Variants in GSE1 observed in about 807,000 individuals in gnomAD.
The protein encoded by GSE1 is genetic suppressor element 1.
Under a neutral mutation model 112.6 loss-of-function variants are expected in GSE1, and 32 were observed. The ratio of observed to expected loss-of-function variants is 0.28; its 90% CI spans 0.21 to 0.38. GSE1 has a LOEUF of 0.38. GSE1 is among the 10% of genes least tolerant of loss of function. GSE1 has a pLI of 1.00. For synonymous variants in GSE1, 1,115 were observed against 735.6 expected, an observed-to-expected ratio of 1.52 and a Z score of -8.35; for missense variants, 2,348 against 1,699.2, an observed-to-expected ratio of 1.38 and a Z score of -6.71.
At chr16:85,317,176 G>T (rs1288537333) in intron 1 of GSE1, among the ~76,000 whole-genome samples, 1 of 152,238 alleles carries the variant, frequency 6.6e-6, no homozygotes, top group East Asian at 1.9e-4. Flanking sequence ...ACAAGACGGG[G>T]CCTTTGTCTG....
upstream of GSE1, chr16:85,555,440 C>T (rs905884376): frequency 3.8e-5 from 37 of 982,944 alleles, no homozygotes; most frequent in African/African-American, 6.5e-4. Flanking sequence ...GGAGCCGGCT[C>T]CCCAGCCTGC....
At chr16:85,506,650 T>C (rs2051544031) in intron 2 of GSE1, among the ~76,000 whole-genome samples, 1 of 151,902 alleles carries the variant, frequency 6.6e-6, no homozygotes, top group African/African-American at 2.4e-5. Flanking sequence ...AGAGGGGGTG[T>C]GATTTCAATG....
intron 1 of GSE1, among the ~76,000 whole-genome samples, chr16:85,561,324 A>T (rs560779349): frequency 6.6e-6 from 1 of 152,226 alleles, no homozygotes; most frequent in Admixed American, 6.5e-5. Flanking sequence ...CAGGGCGCCG[A>T]TCCTGGGCAG....
At chr16:85,488,238 TC>T (rs1254992308) in intron 2 of GSE1, among the ~76,000 whole-genome samples, 1 of 152,254 alleles carries the variant, frequency 6.6e-6, no homozygotes, top group South Asian at 2.1e-4. Flanking sequence ...CTCTTCAGTT[TC>T]CCCATCTAGC....
intron 1 of GSE1, among the ~76,000 whole-genome samples, chr16:85,279,871 A>G (rs1007591675): frequency 6.6e-6 from 1 of 152,156 alleles, no homozygotes; most frequent in Non-Finnish European, 1.5e-5. Flanking sequence ...GGTGGAAGGA[A>G]CGCCATCTCA....
intron 13 of GSE1, among the ~76,000 whole-genome samples, chr16:85,667,893 C>A (rs899581481): frequency 1.5e-5 from 2 of 131,420 alleles, no homozygotes; most frequent in African/African-American, 5.3e-5. Context: ...TGAATTCCAA[C>A]AAAAATGGTC....
chr16:85,410,237 T>C (rs79389180), intron 2 of GSE1, among the ~76,000 whole-genome samples: 562 of 1,864 alleles, frequency 0.3, 142 homozygotes, highest in East Asian at 0.5. Context: ...CAGGGCCCCC[T>C]GGATAATCCT....
At position 85,506,622 on chromosome 16, in the gene GSE1, G is replaced by A. The variant is rs368679289; in HGVS notation, c.2465-127292G>A. On this transcript the variant is annotated intron_variant, in intron 2 of 2. Coordinates refer to the GSE1 transcript ENST00000637419. Reference sequence around the variant, plus strand: ...AGGGGAAAACGCACTCTCATGGGTCGGGTGTTTTCTTATATGTAGAGGGGG... The same window carrying A: ...AGGGGAAAACGCACTCTCATGGGTCAGGTGTTTTCTTATATGTAGAGGGGG... Among the ~76,000 whole-genome samples, 11 of 152,092 alleles carry A rather than the reference G, an allele frequency of 7.2e-5. No individual in the cohort carries two copies. The South Asian group carries it at 8.3e-4, about 11-fold the overall frequency.
chr16:85,517,364 T>C (rs764303871), intron 2 of GSE1, among the ~76,000 whole-genome samples: 13 of 152,156 alleles, frequency 8.5e-5, no homozygotes, highest in Non-Finnish European at 1.6e-4. Flanking sequence ...ATCTGTGAAA[T>C]GGGGCAATAG....
chr16:85,565,751 G>C (rs911906847), intron 1 of GSE1, among the ~76,000 whole-genome samples: 1 of 152,226 alleles, frequency 6.6e-6, no homozygotes. Context: ...AGCAGGCTGT[G>C]GGGTGAGCGG....
intron 1 of GSE1, among the ~76,000 whole-genome samples, chr16:85,627,050 T>C (rs1598435179): frequency 2.8e-5 from 2 of 70,248 alleles, no homozygotes; most frequent in African/African-American, 7.9e-5. Context: ...TTGCCTTTTT[T>C]TTTTTTTTTT....
intron 2 of GSE1, among the ~76,000 whole-genome samples, chr16:85,439,005 TCC>T (rs1191201744): frequency 6.6e-6 from 1 of 152,040 alleles, no homozygotes; most frequent in African/African-American, 2.4e-5. Flanking sequence ...AGAGTCAACC[TCC>T]CCACACGGTG....
intron 2 of GSE1, among the ~76,000 whole-genome samples, chr16:85,464,913 G>T (rs2050081423): frequency 6.6e-6 from 1 of 152,222 alleles, no homozygotes; most frequent in African/African-American, 2.4e-5. Flanking sequence ...CTTTACCTGT[G>T]GTCACGCCTC....
intron 1 of GSE1, among the ~76,000 whole-genome samples, chr16:85,600,237 C>G (rs1192969943): frequency 6.6e-6 from 1 of 152,148 alleles, no homozygotes; most frequent in East Asian, 1.9e-4. Flanking sequence ...GGGGACTTTC[C>G]CAAGGTCACA....
chr16:85,613,869 G>A (rs1055275270), intron 1 of GSE1, among the ~76,000 whole-genome samples: 17 of 148,654 alleles, frequency 1.1e-4, no homozygotes, highest in African/African-American at 3.9e-4. Flanking sequence ...TGGGGGGGGG[G>A]GGTGCTCGCT....
At chr16:85,183,580 C>T (rs1365944142) in intron 1 of GSE1, among the ~76,000 whole-genome samples, 1 of 152,246 alleles carries the variant, frequency 6.6e-6, no homozygotes, top group African/African-American at 2.4e-5. Context: ...GGCCGTCCTC[C>T]ATGCCCTGGG....
chr16:85,299,592 G>A (rs1015971526), intron 1 of GSE1, among the ~76,000 whole-genome samples: 7 of 152,176 alleles, frequency 4.6e-5, no homozygotes, highest in South Asian at 2.1e-4. Flanking sequence ...TGCCTACTCC[G>A]TTCTCTGCAG....
rs143344182 is a variant in GSE1, at chr16:85,658,032, A to G, written c.1640+428A>G. ...GACAGCTTTTGATTTTAAGGAAAAA[A>G]ATGAGTTTTATTGCTTTTGTATTAA... On this transcript the variant is annotated intron_variant, in intron 8 of 15. Coordinates refer to ENST00000253458, the MANE Select transcript of GSE1 (RefSeq NM_014615.5). 2.2e-3 allele frequency among the ~76,000 whole-genome samples: 329 copies of G among 152,300 alleles called. 1 individual carries two copies. Among genetic ancestry groups the G allele is most frequent in the African/African-American group, 7.6e-3 (316 of 41,556 alleles).
chr16:85,277,346 C>G (rs892964609), intron 1 of GSE1, among the ~76,000 whole-genome samples: 3 of 152,108 alleles, frequency 2.0e-5, no homozygotes, highest in African/African-American at 7.2e-5. Context: ...CACAGGAGCC[C>G]TGAAGGAGAG....
Sources: gnomAD v4.1 joint callset for allele counts (sites outside exome capture counted in the v4.1 genomes callset) on GRCh38, gnomAD v4.1.1 for gene constraint, MANE v1.5 for transcripts, NCBI Gene and HGNC (gene_info 2026-07-23, HGNC 2026-07-21) for gene names.